Variants in BCL7A observed in about 807,000 individuals in gnomAD.
The protein encoded by BCL7A is B-cell CLL/lymphoma 7 protein family member A.
In BCL7A, 11 loss-of-function variants were observed where a neutral mutation model predicts 28.4. The ratio of observed to expected loss-of-function variants is 0.39; its 90% CI spans 0.24 to 0.64. The LOEUF is 0.64. BCL7A is among the 30% of genes least tolerant of loss of function. The pLI, the probability that BCL7A is intolerant of heterozygous loss-of-function variation, is 0.50. For synonymous variants in BCL7A, 123 were observed against 103.3 expected (o/e 1.19, Z -1.15); for missense variants, 222 against 274.8 (o/e 0.81, Z 1.36).
At chr12:122,041,773 AAAATACAT>A (rs994578630) in intron 3 of BCL7A, among the ~76,000 whole-genome samples, 1 of 151,996 alleles carries the variant, frequency 6.6e-6, no homozygotes, top group African/African-American at 2.4e-5. Flanking sequence ...CTAAAAATAA[AAAATACAT>A]AAATGGCTGG....
In BCL7A at chr12:122,060,905, A is replaced by C. The variant is rs959348729; in HGVS notation, c.*1742A>C. 1.5e-4 allele frequency: 33 copies of C among 226,254 alleles called. 1 individual carries two copies. The highest frequency in any genetic ancestry group is 2.4e-4 in the African/African-American group (11 of 44,932). The allele number at this position is 226,254 out of a possible 1,614,324, so 14.0% of individuals were successfully genotyped here. A position where few individuals can be genotyped will look rare whatever the true frequency, so the allele number is the denominator to read the frequency against. On this transcript the variant is annotated 3_prime_UTR_variant, in exon 6 of 6. Transcript: ENST00000261822. ...TCCTGAAATAAGGGAAAAAAAAAAAACCACAACTTTGAAAATCTTAATGTT... is the reference window on the plus strand; with the variant it reads ...TCCTGAAATAAGGGAAAAAAAAAAACCCACAACTTTGAAAATCTTAATGTT...
chr12:122,039,148 T>A (rs1339429917), intron 3 of BCL7A, among the ~76,000 whole-genome samples: 1 of 151,386 alleles, frequency 6.6e-6, no homozygotes, highest in Non-Finnish European at 1.5e-5. Context: ...TACAAAAAAA[T>A]TAGCCAGGCG....
chr12:122,025,375 C>T (rs779512026), intron 1 of BCL7A, among the ~76,000 whole-genome samples: 13 of 152,158 alleles, frequency 8.5e-5, no homozygotes, highest in Non-Finnish European at 2.9e-5. Flanking sequence ...CCTGTAATTT[C>T]AGCACTCTGG....
intron 4 of BCL7A, among the ~76,000 whole-genome samples, chr12:122,047,138 G>A (rs1342570431): frequency 6.6e-6 from 1 of 151,478 alleles, no homozygotes; most frequent in Non-Finnish European, 1.5e-5. Context: ...TCCTGACCTC[G>A]GGATCCACCC....
intron 1 of BCL7A, among the ~76,000 whole-genome samples, chr12:122,024,758 C>T (rs998654960): frequency 2.0e-5 from 3 of 152,078 alleles, no homozygotes; most frequent in African/African-American, 7.2e-5. Flanking sequence ...TTGAGTATGT[C>T]TCATGCAATA....
At position 122,022,133 on chromosome 12, in the gene BCL7A, C is replaced by A; in HGVS notation, c.42C>A (p.Ala14=). The A allele has an allele frequency of 6.3e-7, 1 of 1,586,238 alleles. No individual in the cohort carries two copies. The highest frequency in any genetic ancestry group is 8.6e-7 in the Non-Finnish European group (1 of 1,165,164). ...TTCGAGCCGAGACGAGGAGCCGGGCCAAAGATGATATCAAGAGGGTCATGG... is the reference window on the plus strand; with the variant it reads ...TTCGAGCCGAGACGAGGAGCCGGGCAAAAGATGATATCAAGAGGGTCATGG... The part of the protein sequence containing the change: ...RSVRAETRSR[A]KDDIKRVMAA... The change falls in exon 1 of 6, where the codon GCC becomes GCA. Residue 14 remains alanine (A), a synonymous_variant. Transcript: ENST00000261822.
intron 1 of BCL7A, among the ~76,000 whole-genome samples, chr12:122,028,844 G>A (rs1203385488): frequency 6.6e-6 from 1 of 152,200 alleles, no homozygotes; most frequent in Non-Finnish European, 1.5e-5. Context: ...TGGCTATTGT[G>A]ATGGTTGCTC....
Position 122,061,801 on chromosome 12 carries a change from G to A in BCL7A, c.*2638G>A, listed in dbSNP as rs1182577140. ...GGAAGGCTGTGGACCGATTCCTCTA[G>A]GGTGGTGACCTCCCATTAGCAAACG... On this transcript the variant is annotated 3_prime_UTR_variant, in exon 6 of 6. Coordinates refer to ENST00000261822, the MANE Select transcript of BCL7A (RefSeq NM_001024808.3). The A allele has an allele frequency of 4.4e-6, 1 of 229,142 alleles. No individual in the cohort carries two copies. Among genetic ancestry groups the A allele is most frequent in the African/African-American group, 2.2e-5 (1 of 45,036 alleles). 14.2% of individuals were successfully genotyped at this position (229,142 alleles called of 1,614,324 possible).
intron 3 of BCL7A, among the ~76,000 whole-genome samples, chr12:122,037,276 C>T (rs888394244): frequency 6.6e-6 from 1 of 152,310 alleles, no homozygotes; most frequent in East Asian, 1.9e-4. Context: ...ATCTCTTGAC[C>T]CCAATTTCAA....
intron 1 of BCL7A, among the ~76,000 whole-genome samples, chr12:122,028,220 G>T (rs1883670751): frequency 6.6e-6 from 1 of 152,170 alleles, no homozygotes; most frequent in African/African-American, 2.4e-5. Flanking sequence ...TGAGAACTCG[G>T]TGAAGAGGTT....
At chr12:122,054,993 C>T (rs1951867543) in intron 5 of BCL7A, 67 bp downstream of exon 5, 2 of 1,612,382 alleles carry the variant, frequency 1.2e-6, no homozygotes, top group Non-Finnish European at 8.5e-7. Flanking sequence ...GTCGGGGGTA[C>T]GTTGAAAGGT....
intron 1 of BCL7A, among the ~76,000 whole-genome samples, chr12:122,023,836 T>C (rs1883540449): frequency 6.6e-6 from 1 of 152,178 alleles, no homozygotes; most frequent in Admixed American, 6.5e-5. Flanking sequence ...GCTCCCCTCC[T>C]TGCCTCAGCC....
intron 4 of BCL7A, among the ~76,000 whole-genome samples, chr12:122,046,751 G>A (rs1339266455): frequency 6.6e-6 from 1 of 152,194 alleles, no homozygotes; most frequent in Non-Finnish European, 1.5e-5. Flanking sequence ...TACCGGGCCT[G>A]CTCTTCCCTG....
At chr12:122,037,420 C>T (rs1014539678) in intron 3 of BCL7A, among the ~76,000 whole-genome samples, 6 of 152,186 alleles carry the variant, frequency 3.9e-5, no homozygotes, top group African/African-American at 1.4e-4. Context: ...CTGTCTTGTT[C>T]TGGGGAAGGA....
chr12:122,035,227 G>T, intron 2 of BCL7A, 104 bp from the exon 3 acceptor site: 1 of 1,051,182 alleles, frequency 9.5e-7, no homozygotes, highest in Non-Finnish European at 1.4e-6. Context: ...GCTCCAGGAG[G>T]CTTCAATGGA....
chr12:122,032,144 C>A (rs1234895004), intron 2 of BCL7A, among the ~76,000 whole-genome samples: 1 of 152,226 alleles, frequency 6.6e-6, no homozygotes, highest in Non-Finnish European at 1.5e-5. Flanking sequence ...TCGCCCCCAT[C>A]TTCAGTTATC....
chr12:122,054,902 C>G lies in BCL7A; in HGVS notation c.537C>G (p.Ala179=). 2 of 1,614,142 alleles carry G rather than the reference C, an allele frequency of 1.2e-6. No individual in the cohort carries two copies. Among genetic ancestry groups the G allele is most frequent in the Non-Finnish European group, 1.7e-6 (2 of 1,180,028 alleles). The change falls in exon 5 of 6, where the codon GCC becomes GCG. Residue 179 remains alanine, a synonymous_variant. Transcript: ENST00000261822. ...DRQPSGDSGL[A]AETSAISQDL... is the part of the protein sequence containing the mutation. ...AGCCGTCTGGAGACTCGGGTCTGGC[C>G]GCAGAGACGTCTGCAATCTCTCAGG... is the stretch of plus-strand genomic sequence containing the variant.
At chr12:122,022,789 G>GGGCTGCCTGGAGCGAGGGCTCTC (rs1401077453) in intron 1 of BCL7A, among the ~76,000 whole-genome samples, 17 of 151,568 alleles carry the variant, frequency 1.1e-4, no homozygotes, top group Non-Finnish European at 2.5e-4. Flanking sequence ...TTAGCGCTTT[G>GGGCTGCCTGGAGCGAGGGCTCTC]GGCTGCCTGG....
chr12:122,039,505 TAA>T (rs1883926279), intron 3 of BCL7A, among the ~76,000 whole-genome samples: 1 of 107,402 alleles, frequency 9.3e-6, no homozygotes, highest in African/African-American at 3.6e-5. Context: ...TATATATATA[TAA>T]TATATATATT....
Sources: allele counts gnomAD v4.1 joint callset (sites outside exome capture counted in the v4.1 genomes callset), GRCh38; gene constraint gnomAD v4.1.1; transcripts MANE v1.5; gene names NCBI Gene and HGNC (gene_info 2026-07-23, HGNC 2026-07-21).